RSBN1: variants seen among roughly 807,000 people sequenced by gnomAD.
RSBN1 encodes lysine-specific demethylase 9.
Under a neutral mutation model 74.8 loss-of-function variants are expected in RSBN1, and 23 were observed. The ratio of observed to expected loss-of-function variants is 0.31; its 90% CI spans 0.22 to 0.44. The LOEUF is 0.44. RSBN1 is among the 20% of genes least tolerant of loss of function. RSBN1 has a pLI of 1.00. For synonymous variants in RSBN1, 407 were observed against 379.6 expected, an observed-to-expected ratio of 1.07 and a Z score of -0.84; for missense variants, 808 against 1,020.9, an observed-to-expected ratio of 0.79 and a Z score of 2.84.
chr1:113,810,294 C>A (rs1660801884), intron 1 of RSBN1, among the ~76,000 whole-genome samples: 1 of 151,912 alleles, frequency 6.6e-6, no homozygotes. Flanking sequence ...ATTGAACAGG[C>A]CTCTTTACTA....
At chr1:113,772,435 T>C (rs942042062) in intron 4 of RSBN1, among the ~76,000 whole-genome samples, 3 of 152,132 alleles carry the variant, frequency 2.0e-5, no homozygotes, top group African/African-American at 4.8e-5. Context: ...AAAAAAGTAT[T>C]ATAAACAAAT....
At chr1:113,784,003 C>T (rs1053333051) in intron 2 of RSBN1, among the ~76,000 whole-genome samples, 1 of 152,008 alleles carries the variant, frequency 6.6e-6, no homozygotes, top group Non-Finnish European at 1.5e-5. Flanking sequence ...TGTGATCTCC[C>T]GATCTGGCCT....
chr1:113,771,681 GA>G (rs1478576805), intron 4 of RSBN1, among the ~76,000 whole-genome samples: 1 of 151,172 alleles, frequency 6.6e-6, no homozygotes, highest in African/African-American at 2.4e-5. Context: ...GGTTCTGGAA[GA>G]AAGTAATGTA....
chr1:113,780,084 A>G (rs1660108516), intron 2 of RSBN1, among the ~76,000 whole-genome samples: 1 of 152,172 alleles, frequency 6.6e-6, no homozygotes, highest in African/African-American at 2.4e-5. Flanking sequence ...AGTCTCAGAA[A>G]TTCCTTTACT....
chr1:113,774,089 T>C (rs991135785), intron 4 of RSBN1, among the ~76,000 whole-genome samples: 2 of 152,184 alleles, frequency 1.3e-5, no homozygotes, highest in African/African-American at 2.4e-5. Flanking sequence ...ATCAGTGGTA[T>C]GCTCTATATA....
chr1:113,787,687 C>T (rs181596351), intron 2 of RSBN1, among the ~76,000 whole-genome samples: 9 of 152,256 alleles, frequency 5.9e-5, no homozygotes, highest in Admixed American at 2.0e-4. Context: ...TCGCCTACCT[C>T]CTTCCAAGAA....
chr1:113,812,370 C>A lies in RSBN1; in HGVS notation c.43G>T (p.Glu15Ter). 1 of 1,602,638 alleles carries A rather than the reference C, an allele frequency of 6.2e-7. No homozygotes were observed. Among genetic ancestry groups the A allele is most frequent in the East Asian group, 2.2e-5 (1 of 44,832 alleles). ...GRRTADKWRAEERLQCPAGSA... is the reference protein window; with the variant it reads ...GRRTADKWRA ...CCCGCTGGGCATTGGAGTCTCTCCT[C>A]CGCCCTCCACTTGTCGGCCGTTCTT... is the stretch of plus-strand genomic sequence containing the variant. The change falls in exon 1 of 7, where the codon GAG becomes TAG. Residue 15 changes from glutamate to a stop codon, truncating the protein, a stop_gained. Transcript: ENST00000261441. LOFTEE classifies it high-confidence loss of function.
chr1:113,789,719 C>T (rs1161568856), intron 2 of RSBN1, among the ~76,000 whole-genome samples: 6 of 152,174 alleles, frequency 3.9e-5, no homozygotes, highest in South Asian at 2.1e-4. Flanking sequence ...GAACTGATTG[C>T]TTGCTTGTTG....
intron 1 of RSBN1, among the ~76,000 whole-genome samples, chr1:113,803,939 CAA>C (rs55787910): frequency 2.5e-4 from 16 of 63,476 alleles, no homozygotes; most frequent in African/African-American, 3.7e-4. Flanking sequence ...CCCATTTTTA[CAA>C]AAAAAAAAAA....
chr1:113,806,332 CAA>C (rs529369551), intron 1 of RSBN1, among the ~76,000 whole-genome samples: 9 of 99,768 alleles, frequency 9.0e-5, no homozygotes, highest in Non-Finnish European at 1.0e-4. Context: ...GACTCTGTCT[CAA>C]AAAAAAAAAA....
In RSBN1 at chr1:113,764,983, C is replaced by G. The variant is rs568152504; in HGVS notation, c.*997G>C. 16 of 152,252 alleles carry G rather than the reference C, an allele frequency of 1.1e-4. No individual in the cohort carries two copies. The highest frequency in any genetic ancestry group is 3.6e-4 in the African/African-American group (15 of 41,518). 9.4% of individuals were successfully genotyped at this position (152,252 alleles called of 1,614,324 possible). On this transcript the variant is annotated 3_prime_UTR_variant, in exon 7 of 7. Transcript: ENST00000261441. ...GCAACACAGAGTAATAGTAAATAAA[C>G]CCAGGTATTCACCAGTTAAAACTGT...
At position 113,811,836 on chromosome 1, in the gene RSBN1, T is replaced by G; in HGVS notation, c.577A>C (p.Lys193Gln). The change falls in exon 1 of 7, where the codon AAG becomes CAG. Residue 193 changes from lysine to glutamine, a missense_variant. Physicochemically the swap from Lys to Gln is moderately conservative, Grantham distance 53. This residue lies in a region of RSBN1 where 464 missense variants were observed against 401.0 expected (regional missense o/e 1.16). Transcript: ENST00000261441. ...TCGGGGCCGCGGTGGTGATGGTGCT[T>G]GTGCCGCTCCTTGTGGCCCTTATGC... is the stretch of plus-strand genomic sequence containing the variant. ...PKHKGHKERH[K>Q]HHHHRGPDGD... is the part of the protein sequence containing the mutation. 1 of 1,613,634 alleles carries G rather than the reference T, an allele frequency of 6.2e-7. No individual in the cohort carries two copies.
chr1:113,807,827 A>AC (rs1660741629), intron 1 of RSBN1, among the ~76,000 whole-genome samples: 1 of 150,948 alleles, frequency 6.6e-6, no homozygotes, highest in African/African-American at 2.4e-5. Flanking sequence ...ACACACACAC[A>AC]AAATTCAATT....
At chr1:113,779,589 A>T (rs1660096353) in intron 2 of RSBN1, among the ~76,000 whole-genome samples, 1 of 152,246 alleles carries the variant, frequency 6.6e-6, no homozygotes, top group Non-Finnish European at 1.5e-5. Context: ...TCATCATGGG[A>T]TATAGAGATA....
chr1:113,811,811 T>G lies in RSBN1; in HGVS notation c.602A>C (p.Asp201Ala), dbSNP rs199843404. The stretch of plus-strand genomic sequence containing the variant: ...GGTTCCGCAGGAGCTGGGATCACCA[T>G]CGGGGCCGCGGTGGTGATGGTGCTT... ...RHKHHHHRGP[D>A]GDPSSCGTDL... The change falls in exon 1 of 7, where the codon GAT becomes GCT. Residue 201 changes from aspartate (D) to alanine (A), a missense_variant. Coordinates refer to ENST00000261441, the MANE Select transcript of RSBN1 (RefSeq NM_018364.5). 21 of 1,613,660 alleles carry G rather than the reference T, an allele frequency of 1.3e-5. No individual in the cohort carries two copies. Among genetic ancestry groups the G allele is most frequent in the Middle Eastern group, 1.6e-4 (1 of 6,084 alleles).
intron 5 of RSBN1, 44 bp from the exon 6 acceptor site, chr1:113,767,251 T>C (rs34345741): frequency 0.028 from 30,605 of 1,081,838 alleles, 511 homozygotes; most frequent in Middle Eastern, 0.036. Context: ...CATCTCACAA[T>C]GAAAAATGAT....
At chr1:113,792,816 G>A (rs1660392390) in intron 2 of RSBN1, among the ~76,000 whole-genome samples, 1 of 152,052 alleles carries the variant, frequency 6.6e-6, no homozygotes. Flanking sequence ...AGAAAGAAAG[G>A]AAGGGAAGGG....
intron 2 of RSBN1, among the ~76,000 whole-genome samples, chr1:113,795,129 C>T (rs1014382807): frequency 6.6e-6 from 1 of 152,194 alleles, no homozygotes; most frequent in Non-Finnish European, 1.5e-5. Flanking sequence ...TGCTGTTTCA[C>T]ACGGAGATAC....
At chr1:113,786,579 G>C (rs1454500577) in intron 2 of RSBN1, among the ~76,000 whole-genome samples, 1 of 152,190 alleles carries the variant, frequency 6.6e-6, no homozygotes, top group Non-Finnish European at 1.5e-5. Flanking sequence ...CCACAAGCTA[G>C]GAAATGTAAG....
Sources: allele counts gnomAD v4.1 joint callset (sites outside exome capture counted in the v4.1 genomes callset), GRCh38; gene constraint gnomAD v4.1.1; regional missense constraint gnomAD v4.1.1; transcripts MANE v1.5; gene names NCBI Gene and HGNC (gene_info 2026-07-23, HGNC 2026-07-21).